NEBL: variants seen among roughly 807,000 people sequenced by gnomAD.
The protein encoded by NEBL is LIM and SH3 protein 2.
Under a neutral mutation model 140.2 loss-of-function variants are expected in NEBL, and 122 were observed. The ratio of observed to expected loss-of-function variants is 0.87; its 90% CI spans 0.75 to 1.01. NEBL has a LOEUF of 1.01. NEBL is among the 50% of genes least tolerant of loss of function. The probability of loss-of-function intolerance (pLI) is 0.00; values close to 1 mark genes in which losing one functional copy is unlikely to be tolerated. For synonymous variants in NEBL, 436 were observed against 398.9 expected (o/e 1.09, Z -1.11); for missense variants, 1,365 against 1,231.3 (o/e 1.11, Z -1.62).
chr10:20,938,499 C>A (rs11818826), intron 4 of NEBL, among the ~76,000 whole-genome samples: 303 of 152,274 alleles, frequency 2.0e-3, no homozygotes, highest in African/African-American at 2.9e-3. Context: ...GACACCAGAG[C>A]AGAAAAGCTG....
Position 20,815,636 on chromosome 10 carries a change from T to C in NEBL, c.2230A>G (p.Asn744Asp). The change falls in exon 22 of 28, where the codon AAT (asparagine) becomes GAT (aspartate). Residue 744 changes from asparagine to aspartate, a missense_variant. Around this residue, in one of 2 missense-constraint regions of NEBL, gnomAD observed 1,323 missense variants for 1,154.8 expected, o/e 1.15. Transcript: ENST00000377122. ...EMERVKKNQE[N>D]ISSVKYTQDH... is the part of the protein sequence containing the mutation. The stretch of plus-strand genomic sequence containing the variant: ...AGAAAACCACTTGCCGAGCTAATAT[T>C]TTCTTGATTCTTCTTCACTCTTTCC... 1 of 1,608,854 alleles carries C rather than the reference T, an allele frequency of 6.2e-7. No individual in the cohort carries two copies. The highest frequency in any genetic ancestry group is 8.5e-7 in the Non-Finnish European group (1 of 1,175,350).
intron 5 of NEBL, among the ~76,000 whole-genome samples, chr10:20,877,602 G>A (rs1845624981): frequency 6.6e-6 from 1 of 152,148 alleles, no homozygotes; most frequent in South Asian, 2.1e-4. Flanking sequence ...AGGCTGCCTG[G>A]GAGTAGACAT....
At chr10:20,786,891 C>T (rs371408984) in intron 27 of NEBL, among the ~76,000 whole-genome samples, 51 of 152,248 alleles carry the variant, frequency 3.3e-4, no homozygotes, top group African/African-American at 1.1e-3. Context: ...AATATCCATG[C>T]TCCTAAGGCA....
intron 3 of NEBL, among the ~76,000 whole-genome samples, chr10:21,228,505 A>G (rs966703416): frequency 2.6e-5 from 4 of 152,150 alleles, no homozygotes; most frequent in Non-Finnish European, 5.9e-5. Context: ...GGACAATTAG[A>G]CCATCTTGCT....
chr10:20,837,514 TCATA>T (rs1051710256), intron 13 of NEBL, among the ~76,000 whole-genome samples: 3 of 151,520 alleles, frequency 2.0e-5, no homozygotes, highest in Admixed American at 2.0e-4. Context: ...GCCATCTCCA[TCATA>T]TGAAAGTGCA....
At position 21,125,101 on chromosome 10, in the gene NEBL, T is replaced by C. The variant is rs567042028; in HGVS notation, c.164+47282A>G. 2.1e-3 allele frequency among the ~76,000 whole-genome samples: 323 copies of C among 152,306 alleles called. 1 individual carries two copies. The highest frequency in any genetic ancestry group is 3.9e-3 in the Non-Finnish European group (268 of 68,016). On this transcript the variant is annotated intron_variant, in intron 2 of 6. Coordinates refer to the NEBL transcript ENST00000417816. ...AAGCAAGCCATAAGGAACAGTCCTA[T>C]GGCGGCAAAGAAGAGACAGAATTGC...
intron 2 of NEBL, among the ~76,000 whole-genome samples, chr10:21,133,280 A>T (rs1589267762): frequency 6.6e-6 from 1 of 152,328 alleles, no homozygotes; most frequent in South Asian, 2.1e-4. Context: ...AAAGGAGATG[A>T]TGTTTTTAAC....
At chr10:20,901,897 G>T (rs1017359751), upstream of NEBL, among the ~76,000 whole-genome samples, 31 of 152,294 alleles carry the variant, frequency 2.0e-4, no homozygotes, top group African/African-American at 7.5e-4. Flanking sequence ...ATCATTTCTT[G>T]AAAGAAGAAA....
intron 3 of NEBL, among the ~76,000 whole-genome samples, chr10:21,223,026 G>T (rs1842094495): frequency 6.6e-6 from 1 of 152,244 alleles, no homozygotes; most frequent in Non-Finnish European, 1.5e-5. Flanking sequence ...GCTTCCCAAA[G>T]TGCTGGGATT....
chr10:20,880,188 C>T (rs1426653238), intron 5 of NEBL, among the ~76,000 whole-genome samples: 1 of 152,040 alleles, frequency 6.6e-6, no homozygotes, highest in Non-Finnish European at 1.5e-5. Context: ...TGGTGAAAAC[C>T]CGTCTCTACT....
chr10:21,048,416 G>C (rs1834615179), intron 2 of NEBL, among the ~76,000 whole-genome samples: 1 of 147,074 alleles, frequency 6.8e-6, no homozygotes, highest in African/African-American at 2.5e-5. Flanking sequence ...CTTCTTCCAA[G>C]GGCCATTCTA....
chr10:20,930,974 G>T (rs938837734), intron 4 of NEBL, among the ~76,000 whole-genome samples: 3 of 152,058 alleles, frequency 2.0e-5, no homozygotes, highest in Non-Finnish European at 2.9e-5. Flanking sequence ...AGAAACAAAC[G>T]CCTGTACCTT....
At chr10:20,942,922 T>C (rs537871999) in intron 4 of NEBL, among the ~76,000 whole-genome samples, 8 of 152,218 alleles carry the variant, frequency 5.3e-5, no homozygotes, top group Admixed American at 3.9e-4. Flanking sequence ...TGGCGATCAG[T>C]AAAAAGTCAG....
chr10:20,840,114 C>G (rs1841272687), intron 13 of NEBL, among the ~76,000 whole-genome samples: 1 of 152,124 alleles, frequency 6.6e-6, no homozygotes, highest in African/African-American at 2.4e-5. Flanking sequence ...CTATCATCAT[C>G]ATCATTATCA....
chr10:21,284,644 A>G (rs979730608), intron 1 of NEBL, among the ~76,000 whole-genome samples: 2 of 152,056 alleles, frequency 1.3e-5, no homozygotes, highest in Non-Finnish European at 2.9e-5. Flanking sequence ...TATAAATGCA[A>G]ATTTTATTGT....
chr10:20,892,010 T>G (rs1291741333), intron 2 of NEBL, among the ~76,000 whole-genome samples: 1 of 152,182 alleles, frequency 6.6e-6, no homozygotes, highest in African/African-American at 2.4e-5. Flanking sequence ...AAAATAAAAA[T>G]CACTGAATAG....
Position 20,869,803 on chromosome 10 carries a change from G to A in NEBL, c.519C>T (p.Tyr173=), listed in dbSNP as rs778673892. The change falls in exon 6 of 28, where the codon TAC becomes TAT. Residue 173 remains tyrosine (Y), a synonymous_variant. Transcript: ENST00000377122. ...TGTCTGGTCGGTCAAGTTCTGCACT[G>A]TACGTGTGGGTGTCCTGCACGTCTT... The part of the protein sequence containing the change: ...YRKDVQDTHT[Y]SAELDRPDIK... 6.2e-7 allele frequency: 1 copy of A among 1,613,338 alleles called. No individual in the cohort carries two copies. Among genetic ancestry groups the A allele is most frequent in the Non-Finnish European group, 8.5e-7 (1 of 1,179,384 alleles).
chr10:21,222,865 T>C (rs1394542165), intron 3 of NEBL, among the ~76,000 whole-genome samples: 1 of 152,180 alleles, frequency 6.6e-6, no homozygotes, highest in African/African-American at 2.4e-5. Context: ...CAGGTTCAAG[T>C]AATTCTCTGG....
intron 2 of NEBL, among the ~76,000 whole-genome samples, chr10:21,124,578 G>A (rs1357943600): frequency 6.6e-6 from 1 of 152,106 alleles, no homozygotes; most frequent in Non-Finnish European, 1.5e-5. Flanking sequence ...ACCACATCAG[G>A]ATTCAAAGTT....
Sources: gnomAD v4.1 joint callset for allele counts (sites outside exome capture counted in the v4.1 genomes callset) on GRCh38, gnomAD v4.1.1 for gene constraint, gnomAD v4.1.1 regional missense constraint, MANE v1.5 for transcripts, NCBI Gene and HGNC (gene_info 2026-07-23, HGNC 2026-07-21) for gene names.